The following MAN1A1 variants were observed in gnomAD, a reference collection of about 807,000 sequenced individuals.
MAN1A1 encodes mannosyl-oligosaccharide 1,2-alpha-mannosidase IA.
In MAN1A1, 29 loss-of-function variants were observed where a neutral mutation model predicts 70.8. That is an observed-to-expected ratio of 0.41 (90% CI 0.31 to 0.56). MAN1A1 has a LOEUF of 0.56. MAN1A1 is among the 20% of genes least tolerant of loss of function. The pLI, the probability that MAN1A1 is intolerant of heterozygous loss-of-function variation, is 0.29. For missense variants in MAN1A1, 747 were observed against 841.3 expected (o/e 0.89, Z 1.39); for synonymous variants, 349 against 330.1 (o/e 1.06, Z -0.62).
At chr6:119,259,882 T>C (rs2114350049) in intron 5 of MAN1A1, among the ~76,000 whole-genome samples, 1 of 152,330 alleles carries the variant, frequency 6.6e-6, no homozygotes, top group South Asian at 2.1e-4. Context: ...ACATTCTCAT[T>C]ATTGAAAAAT....
chr6:119,268,876 CG>C (rs1775833869), intron 5 of MAN1A1, among the ~76,000 whole-genome samples: 1 of 152,128 alleles, frequency 6.6e-6, no homozygotes, highest in Non-Finnish European at 1.5e-5. Context: ...CCAATGTGCC[CG>C]GCCCTCATTT....
In MAN1A1 at chr6:119,229,984, C is replaced by T. The variant is rs77427152; in HGVS notation, c.992+18276G>A. On this transcript the variant is annotated intron_variant, in intron 6 of 12. Transcript: ENST00000368468. Reference sequence around the variant, plus strand: ...TTGCTAGCTGTGTCAAATACCTGCTCTTTCTCACAAGTCAGGCCTTTGTTT... The same window carrying T: ...TTGCTAGCTGTGTCAAATACCTGCTTTTTCTCACAAGTCAGGCCTTTGTTT... 1.7e-4 allele frequency among the ~76,000 whole-genome samples: 26 copies of T among 152,304 alleles called. No individual in the cohort carries two copies. The East Asian group carries it at 5.0e-3, about 29-fold the overall frequency.
chr6:119,304,379 AT>A lies in MAN1A1; in HGVS notation c.701-2277del, dbSNP rs544888899. Among the ~76,000 whole-genome samples the A allele has an allele frequency of 2.4e-3, 365 of 152,282 alleles. 2 individuals carry two copies. The highest frequency in any genetic ancestry group is 0.014 in the Middle Eastern group (4 of 294). On this transcript the variant is annotated intron_variant, in intron 3 of 12. Coordinates refer to ENST00000368468, the MANE Select transcript of MAN1A1 (RefSeq NM_005907.4). ...TGAAATATATCAGCTTCATATTTTC[AT>A]TGACATTTCATTTCTAAGTTATTAA...
At chr6:119,232,679 ATGTG>A (rs78960133) in intron 6 of MAN1A1, among the ~76,000 whole-genome samples, 5,742 of 143,446 alleles carry the variant, frequency 0.04, 180 homozygotes, top group African/African-American at 0.096. Flanking sequence ...ACACATATAT[ATGTG>A]TGTGTGTGTG....
chr6:119,301,880 C>T, intron 4 of MAN1A1, 108 bp downstream of exon 4: 2 of 617,832 alleles, frequency 3.2e-6, no homozygotes, highest in East Asian at 2.8e-5. Flanking sequence ...CCTAAAGTTG[C>T]AATATTTTTG....
chr6:119,211,470 C>T (rs1774048343), intron 6 of MAN1A1, among the ~76,000 whole-genome samples: 1 of 152,246 alleles, frequency 6.6e-6, no homozygotes, highest in African/African-American at 2.4e-5. Flanking sequence ...GTGCTCAATA[C>T]ATGCTTAATT....
chr6:119,350,458 CCAAAAAA>C (rs200313376), upstream of MAN1A1: 21 of 881,970 alleles, frequency 2.4e-5, no homozygotes, highest in East Asian at 1.6e-3. Context: ...CTTTCTTCCC[CCAAAAAA>C]CAAAAAACCG....
chr6:119,322,335 G>C (rs1773030674), intron 2 of MAN1A1, among the ~76,000 whole-genome samples: 1 of 152,086 alleles, frequency 6.6e-6, no homozygotes. Flanking sequence ...GACCCTCTCA[G>C]TACTGGGCCC....
chr6:119,272,729 T>C (rs533529872), intron 5 of MAN1A1, among the ~76,000 whole-genome samples: 25 of 152,310 alleles, frequency 1.6e-4, no homozygotes, highest in African/African-American at 5.3e-4. Flanking sequence ...ACACTTTCGA[T>C]TGATTTATGA....
chr6:119,243,080 ACTT>A (rs548869867), intron 6 of MAN1A1, among the ~76,000 whole-genome samples: 287 of 152,212 alleles, frequency 1.9e-3, no homozygotes, highest in Non-Finnish European at 3.5e-3. Context: ...CTTGTCTCTG[ACTT>A]CTTAATAGAT....
At position 119,348,968 on chromosome 6, in the gene MAN1A1, G is replaced by C; in HGVS notation, c.98C>G (p.Pro33Arg). The C allele has an allele frequency of 6.6e-7, 1 of 1,513,004 alleles. No homozygotes were observed. The highest frequency in any genetic ancestry group is 2.7e-5 in the East Asian group (1 of 36,530). The allele number at this position is 1,513,004 out of a possible 1,614,324, so 93.7% of individuals were successfully genotyped here. ...CTTCTCCGTCAGGCGGAGGGCGGCGGGGCCCGACCCCTTCCTGCCACCGCC... is the reference window on the plus strand; with the variant it reads ...CTTCTCCGTCAGGCGGAGGGCGGCGCGGCCCGACCCCTTCCTGCCACCGCC... ...GGGGGRKGSG[P>R]AALRLTEKFV... Residue 33 changes from proline to arginine, a missense_variant, in exon 2 of 13, where the codon CCC (proline) becomes CGC (arginine). Transcript: ENST00000368468.
intron 2 of MAN1A1, among the ~76,000 whole-genome samples, chr6:119,331,448 C>T (rs1773307486): frequency 6.6e-6 from 1 of 151,588 alleles, no homozygotes; most frequent in South Asian, 2.1e-4. Context: ...TTTGTTTCTT[C>T]CAGTGACAAT....
At chr6:119,224,984 G>T (rs781025047) in intron 6 of MAN1A1, among the ~76,000 whole-genome samples, 1 of 151,816 alleles carries the variant, frequency 6.6e-6, no homozygotes, top group Non-Finnish European at 1.5e-5. Context: ...AAAATTAGCC[G>T]GGCATGGTGG....
At position 119,284,185 on chromosome 6, in the gene MAN1A1, C is replaced by G. The variant is rs137925415; in HGVS notation, c.897+6498G>C. On this transcript the variant is annotated intron_variant, in intron 5 of 12. Transcript: ENST00000368468. Reference sequence around the variant, plus strand: ...AGCAGTGTCTGACATATAGTTGGCACTCATCCAATATCTGCTGAAGGGATA... The same window carrying G: ...AGCAGTGTCTGACATATAGTTGGCAGTCATCCAATATCTGCTGAAGGGATA... Among the ~76,000 whole-genome samples, 924 of 152,264 alleles carry G rather than the reference C, an allele frequency of 6.1e-3. 6 individuals are homozygous for G. Among genetic ancestry groups the G allele is most frequent in the African/African-American group, 0.021 (874 of 41,532 alleles).
At chr6:119,310,839 G>T (rs1772681206) in intron 2 of MAN1A1, among the ~76,000 whole-genome samples, 1 of 152,192 alleles carries the variant, frequency 6.6e-6, no homozygotes, top group South Asian at 2.1e-4. Flanking sequence ...AGCAGCTATA[G>T]AACTATCAAC....
chr6:119,219,383 T>C (rs1774295372), intron 6 of MAN1A1, among the ~76,000 whole-genome samples: 2 of 152,300 alleles, frequency 1.3e-5, no homozygotes, highest in East Asian at 1.9e-4. Context: ...AGGTGTTATC[T>C]TGGGCATGTC....
At chr6:119,296,784 A>G (rs920567543) in intron 4 of MAN1A1, among the ~76,000 whole-genome samples, 1 of 152,204 alleles carries the variant, frequency 6.6e-6, no homozygotes, top group Non-Finnish European at 1.5e-5. Flanking sequence ...CATTACAACT[A>G]AAGGCATGAT....
intron 6 of MAN1A1, among the ~76,000 whole-genome samples, chr6:119,227,977 G>T (rs1324126177): frequency 6.6e-6 from 1 of 152,100 alleles, no homozygotes; most frequent in Non-Finnish European, 1.5e-5. Context: ...TCATTGCTCT[G>T]TTCATTGAAA....
chr6:119,261,396 C>G, intron 5 of MAN1A1, among the ~76,000 whole-genome samples: 1 of 152,076 alleles, frequency 6.6e-6, no homozygotes, highest in Non-Finnish European at 1.5e-5. Context: ...AATGTTAATC[C>G]ATTTATTCAA....
Sources: allele counts gnomAD v4.1 joint callset (sites outside exome capture counted in the v4.1 genomes callset), GRCh38; gene constraint gnomAD v4.1.1; transcripts MANE v1.5; gene names NCBI Gene and HGNC (gene_info 2026-07-23, HGNC 2026-07-21).